The following PI4KA variants were observed in gnomAD, a reference collection of about 807,000 sequenced individuals.
The protein encoded by PI4KA is PI4-kinase alpha.
A neutral mutation model predicts 271.4 loss-of-function variants in PI4KA; 122 were observed. The ratio of observed to expected loss-of-function variants is 0.45; its 90% CI spans 0.39 to 0.52. The LOEUF (loss-of-function observed/expected upper bound fraction) is 0.52, where lower values mean the gene tolerates loss of function less well. PI4KA is among the 20% of genes least tolerant of loss of function. The pLI is 0.00. For synonymous variants in PI4KA, 1,041 were observed against 1,078.8 expected, an observed-to-expected ratio of 0.96 and a Z score of 0.69; for missense variants, 1,969 against 2,769.1, an observed-to-expected ratio of 0.71 and a Z score of 6.48.
intron 19 of PI4KA, chr22:20,783,944 T>A (rs1412545954): frequency 6.2e-7 from 1 of 1,614,014 alleles, no homozygotes; most frequent in Non-Finnish European, 8.5e-7. Flanking sequence ...AACCTTCTCA[T>A]AACAGCCTCT....
chr22:20,765,573 T>C lies in PI4KA; in HGVS notation c.2437+12A>G, dbSNP rs376416182. On this transcript the variant is annotated intron_variant, in intron 20 of 54. Coordinates refer to ENST00000255882, the MANE Select transcript of PI4KA (RefSeq NM_058004.4). ...CACTCCGTCTTCACTGGGAGAGAGATGATCCCCCTACCTGAGCCCTCCACA... is the reference window on the plus strand; with the variant it reads ...CACTCCGTCTTCACTGGGAGAGAGACGATCCCCCTACCTGAGCCCTCCACA... 6.5e-7 allele frequency: 1 copy of C among 1,541,448 alleles called. No homozygotes were observed. Among genetic ancestry groups the C allele is most frequent in the African/African-American group, 1.4e-5 (1 of 73,640 alleles).
intron 15 of PI4KA, 58 bp downstream of exon 15, chr22:20,799,603 GCCAGGTGCCC>G (rs1470027602): frequency 9.4e-7 from 1 of 1,067,892 alleles, no homozygotes; most frequent in Non-Finnish European, 1.4e-6. Flanking sequence ...TACGCACAAT[GCCAGGTGCCC>G]CACACGAGCC....
At chr22:20,767,934 CTAATTA>C (rs1932680099) in intron 19 of PI4KA, among the ~76,000 whole-genome samples, 1 of 116,784 alleles carries the variant, frequency 8.6e-6, no homozygotes, top group South Asian at 2.9e-4. Context: ...CACACCTGGC[CTAATTA>C]TTATTATTAT....
intron 54 of PI4KA, among the ~76,000 whole-genome samples, chr22:20,708,538 G>A (rs376094436): frequency 4.2e-5 from 6 of 144,100 alleles, no homozygotes; most frequent in Admixed American, 2.8e-4. Context: ...TTAGGGTGCC[G>A]GACCCGGGCG....
intron 8 of PI4KA, among the ~76,000 whole-genome samples, chr22:20,812,520 G>C (rs771683934): frequency 3.3e-5 from 5 of 151,990 alleles, no homozygotes; most frequent in Non-Finnish European, 7.4e-5. Context: ...AACCATCCTA[G>C]CTTGATTGTA....
chr22:20,779,995 A>G (rs1242773696), intron 19 of PI4KA: 6 of 1,614,066 alleles, frequency 3.7e-6, no homozygotes, highest in Non-Finnish European at 5.1e-6. Flanking sequence ...TATATCCAGA[A>G]GCAGTTTCCA....
intron 29 of PI4KA, among the ~76,000 whole-genome samples, chr22:20,745,616 A>T (rs1050959810): frequency 1.3e-5 from 2 of 152,180 alleles, no homozygotes; most frequent in Non-Finnish European, 2.9e-5. Flanking sequence ...ATTTAAAAAA[A>T]TAAATTACGT....
intron 19 of PI4KA, among the ~76,000 whole-genome samples, chr22:20,766,089 G>A (rs185725595): frequency 1.7e-4 from 26 of 152,316 alleles, no homozygotes; most frequent in Non-Finnish European, 1.5e-5. Context: ...AAGAGCATTA[G>A]GTCCTAAGCC....
intron 9 of PI4KA, among the ~76,000 whole-genome samples, chr22:20,807,725 G>C (rs918434804): frequency 3.9e-5 from 6 of 152,120 alleles, no homozygotes; most frequent in African/African-American, 1.4e-4. Context: ...CCTTGCTGTG[G>C]CTGAAGCTCA....
chr22:20,808,855 T>G (rs1205897591), intron 9 of PI4KA, among the ~76,000 whole-genome samples: 1 of 151,942 alleles, frequency 6.6e-6, no homozygotes, highest in Non-Finnish European at 1.5e-5. Context: ...ATATTATAAT[T>G]CTTGACAAGT....
chr22:20,780,322 A>C, intron 19 of PI4KA: 1 of 1,477,108 alleles, frequency 6.8e-7, no homozygotes, highest in Non-Finnish European at 9.4e-7. Context: ...TAGACACAAG[A>C]TTGACTCTGG....
At chr22:20,801,014 C>T (rs1274211445) in intron 14 of PI4KA, among the ~76,000 whole-genome samples, 2 of 150,072 alleles carry the variant, frequency 1.3e-5, no homozygotes, top group African/African-American at 4.9e-5. Flanking sequence ...CCTCAGCCTC[C>T]CGAGTAGCTG....
chr22:20,725,763 G>A (rs1002960322), intron 42 of PI4KA: 14 of 305,104 alleles, frequency 4.6e-5, no homozygotes, highest in Non-Finnish European at 7.4e-5. Context: ...GGGCGTGGTC[G>A]CACACGCCTG....
chr22:20,763,890 A>G (rs1490590904), intron 22 of PI4KA, among the ~76,000 whole-genome samples: 2 of 152,222 alleles, frequency 1.3e-5, no homozygotes, highest in East Asian at 3.8e-4. Flanking sequence ...GCAGGAGGGT[A>G]GGGTGCATTC....
chr22:20,838,585 G>A (rs1161151643), intron 2 of PI4KA, 30 bp downstream of exon 2: 1 of 1,308,462 alleles, frequency 7.6e-7, no homozygotes, highest in Admixed American at 1.7e-5. Context: ...CTTTTACAAT[G>A]AAGAAACTTT....
chr22:20,794,996 C>G (rs1052917235), intron 18 of PI4KA, among the ~76,000 whole-genome samples: 1 of 152,112 alleles, frequency 6.6e-6, no homozygotes, highest in Non-Finnish European at 1.5e-5. Flanking sequence ...GACCCCTGAC[C>G]TAGGACAGTA....
intron 42 of PI4KA, chr22:20,725,701 C>T (rs761981953): frequency 3.6e-5 from 11 of 301,890 alleles, no homozygotes; most frequent in South Asian, 1.6e-4. Context: ...TTGAGACCAG[C>T]CTGGGACAAC....
At chr22:20,754,648 T>C (rs1324350164) in intron 23 of PI4KA, among the ~76,000 whole-genome samples, 1 of 152,162 alleles carries the variant, frequency 6.6e-6, no homozygotes, top group African/African-American at 2.4e-5. Flanking sequence ...CTCAATTCTT[T>C]CTACTTTTTA....
At chr22:20,736,308 C>T (rs567369579) in intron 32 of PI4KA, 2 of 151,164 alleles carry the variant, frequency 1.3e-5, no homozygotes, top group East Asian at 3.9e-4. Flanking sequence ...GTGGGAAGTG[C>T]AAGCAGGACC....
Sources: gnomAD v4.1 joint callset for allele counts (sites outside exome capture counted in the v4.1 genomes callset) on GRCh38, gnomAD v4.1.1 for gene constraint, MANE v1.5 for transcripts, NCBI Gene and HGNC (gene_info 2026-07-23, HGNC 2026-07-21) for gene names.